The following RNF220 variants were observed in gnomAD, a reference collection of about 807,000 sequenced individuals.
The protein encoded by RNF220 is ring finger protein 220, also known as E3 ubiquitin-protein ligase RNF220.
Under a neutral mutation model 67.1 loss-of-function variants are expected in RNF220, and 7 were observed. The ratio of observed to expected loss-of-function variants is 0.10; its 90% CI spans 0.06 to 0.20. The LOEUF (loss-of-function observed/expected upper bound fraction) is 0.20, where lower values mean the gene tolerates loss of function less well. RNF220 is among the 10% of genes least tolerant of loss of function. The pLI is 1.00. For synonymous variants in RNF220, 270 were observed against 283.2 expected, an observed-to-expected ratio of 0.95 and a Z score of 0.47; for missense variants, 565 against 740.3, an observed-to-expected ratio of 0.76 and a Z score of 2.75.
chr1:44,497,338 G>GACACACACAC lies in RNF220; in HGVS notation c.625+84634_625+84643dup, dbSNP rs10578430. Among the ~76,000 whole-genome samples the GACACACACAC allele has an allele frequency of 1.0e-4, 15 of 147,950 alleles. 1 individual carries two copies. Among genetic ancestry groups the GACACACACAC allele is most frequent in the African/African-American group, 2.5e-4 (10 of 40,434 alleles). On this transcript the variant is annotated intron_variant, in intron 2 of 14. Transcript: ENST00000361799. The stretch of plus-strand genomic sequence containing the variant: ...TCTATATGATAATCTCCCCTTCCCT[G>GACACACACAC]ACACACACACACACACACACACACA...
intron 2 of RNF220, among the ~76,000 whole-genome samples, chr1:44,603,505 T>C (rs1387108714): frequency 1.3e-5 from 2 of 152,246 alleles, no homozygotes; most frequent in Non-Finnish European, 2.9e-5. Flanking sequence ...CCTGGGAGGC[T>C]GAGGTGACCA....
intron 2 of RNF220, among the ~76,000 whole-genome samples, chr1:44,455,152 CT>C (rs1653053694): frequency 6.6e-6 from 1 of 152,134 alleles, no homozygotes; most frequent in South Asian, 2.1e-4. Context: ...ACTAGATTTG[CT>C]TACTATTTGT....
At chr1:44,486,229 A>G (rs1656288309) in intron 2 of RNF220, among the ~76,000 whole-genome samples, 1 of 152,078 alleles carries the variant, frequency 6.6e-6, no homozygotes, top group Admixed American at 6.6e-5. Context: ...GAACAAAGTG[A>G]AAGGGGGGGG....
Position 44,650,536 on chromosome 1 carries a change from A to C in RNF220, c.1630-168A>C. 3.0e-6 allele frequency: 2 copies of C among 662,350 alleles called. No homozygotes were observed. The highest frequency in any genetic ancestry group is 5.5e-5 in the East Asian group (2 of 36,314). The allele number at this position is 662,350 out of a possible 1,614,324, so 41.0% of individuals were successfully genotyped here. On this transcript the variant is annotated intron_variant, in intron 14 of 14. Coordinates refer to ENST00000361799, the MANE Select transcript of RNF220 (RefSeq NM_018150.4). The surrounding 1 kb of genome is among the most constrained non-coding windows in gnomAD (Gnocchi z 4.3). Reference sequence around the variant, plus strand: ...GATCCTGGCGTCCCCCCAACACAGGAGCGTGCCTGCCTGCTCACAGAAGCT... The same window carrying C: ...GATCCTGGCGTCCCCCCAACACAGGCGCGTGCCTGCCTGCTCACAGAAGCT...
intron 2 of RNF220, among the ~76,000 whole-genome samples, chr1:44,568,609 C>A (rs1209722416): frequency 6.6e-6 from 1 of 152,176 alleles, no homozygotes; most frequent in East Asian, 1.9e-4. Flanking sequence ...ATTTGGAAGG[C>A]GTTTCTCTGT....
chr1:44,406,191 G>T (rs537787437), intron 1 of RNF220, among the ~76,000 whole-genome samples: 1 of 152,204 alleles, frequency 6.6e-6, no homozygotes, highest in Non-Finnish European at 1.5e-5. Flanking sequence ...CGGGTGCTCG[G>T]CTGACTTTTT....
Position 44,405,538 on chromosome 1 carries a change from G to A in RNF220, c.-118+8G>A, listed in dbSNP as rs151215091. On this transcript the variant is annotated splice_region_variant and intron_variant, in intron 1 of 14. Coordinates refer to ENST00000361799, the MANE Select transcript of RNF220 (RefSeq NM_018150.4). ...AAGGAATTTCCACGGCAAGTATGGA[G>A]ATCAGAAAGGGGTGTGGACGTGTGT... is the stretch of plus-strand genomic sequence containing the variant. The A allele has an allele frequency of 5.5e-4, 234 of 422,864 alleles. 5 individuals carry two copies. The highest frequency in any genetic ancestry group is 5.4e-3 in the South Asian group (177 of 32,962). The allele number at this position is 422,864 out of a possible 1,614,324, so 26.2% of individuals were successfully genotyped here.
rs1346697777 is a variant in RNF220, at chr1:44,636,080, GAAC to G, written c.1051_1053del (p.Asn351del). ...ATGATGCTGTGGACATCGAGCATGA[GAAC>G]AACAACCGCTTTGAGGAGTATGAGT... is the stretch of plus-strand genomic sequence containing the variant. On this transcript the variant is annotated inframe_deletion, in exon 8 of 15. Transcript: ENST00000361799. 1.7e-5 allele frequency: 28 copies of G among 1,614,134 alleles called. No individual in the cohort carries two copies. The highest frequency in any genetic ancestry group is 1.6e-4 in the Middle Eastern group (1 of 6,084).
At chr1:44,460,051 T>C (rs867084168) in intron 2 of RNF220, among the ~76,000 whole-genome samples, 4 of 151,914 alleles carry the variant, frequency 2.6e-5, no homozygotes, top group Non-Finnish European at 5.9e-5. Context: ...CAGTAAAGGG[T>C]GAATTAAGCC....
At chr1:44,638,014 C>A (rs1043813928) in intron 8 of RNF220, among the ~76,000 whole-genome samples, 16 of 152,238 alleles carry the variant, frequency 1.1e-4, no homozygotes, top group Middle Eastern at 6.3e-3. Flanking sequence ...GAGCGGGGCG[C>A]AGTGGAGCGG....
intron 2 of RNF220, among the ~76,000 whole-genome samples, chr1:44,519,538 G>C (rs1461731772): frequency 1.3e-5 from 2 of 152,174 alleles, no homozygotes; most frequent in South Asian, 2.1e-4. Context: ...AAGGGTGTTC[G>C]AAGCAGAGGA....
intron 2 of RNF220, among the ~76,000 whole-genome samples, chr1:44,506,269 G>A (rs1235365017): frequency 2.0e-5 from 3 of 152,200 alleles, no homozygotes; most frequent in Admixed American, 6.5e-5. Flanking sequence ...TGCTGGTGGC[G>A]GGTGTGGAGG....
rs1410912169 is a variant in RNF220, at chr1:44,650,419, C to A, written c.1630-285C>A. On this transcript the variant is annotated intron_variant, in intron 14 of 14. Coordinates refer to ENST00000361799, the MANE Select transcript of RNF220 (RefSeq NM_018150.4). The surrounding 1 kb of genome is among the most constrained non-coding windows in gnomAD (Gnocchi z 4.3). ...GGCTCTGTGTCCTGATCAAAGGCCG[C>A]GTGTAATCTCGTTAGGGCTGCGGCT... The A allele has an allele frequency of 3.9e-6, 2 of 517,754 alleles. No homozygotes were observed. Among genetic ancestry groups the A allele is most frequent in the Non-Finnish European group, 3.5e-6 (1 of 285,078 alleles). 32.1% of individuals were successfully genotyped at this position (517,754 alleles called of 1,614,324 possible). A position where few individuals can be genotyped will look rare whatever the true frequency, so the allele number is the denominator to read the frequency against.
At chr1:44,638,823 A>T (rs1644406164) in intron 8 of RNF220, among the ~76,000 whole-genome samples, 1 of 152,220 alleles carries the variant, frequency 6.6e-6, no homozygotes. Flanking sequence ...GCACTGAGGT[A>T]GGTCCCACTG....
At chr1:44,534,586 G>T (rs1454636818) in intron 2 of RNF220, among the ~76,000 whole-genome samples, 1 of 152,172 alleles carries the variant, frequency 6.6e-6, no homozygotes, top group Admixed American at 6.5e-5. Context: ...CTGGTTTGGA[G>T]ATGTTAATGG....
Position 44,613,126 on chromosome 1 carries a change from G to A in RNF220, c.626-1039G>A, listed in dbSNP as rs270730. 9.5e-4 allele frequency among the ~76,000 whole-genome samples: 141 copies of A among 148,362 alleles called. 1 individual carries two copies. The highest frequency in any genetic ancestry group is 3.4e-3 in the African/African-American group (138 of 40,022). ...TAAGCAGAGGCCACAGAGCATCCAT[G>A]GATATGCAGGGATGTTTCTAGATTA... On this transcript the variant is annotated intron_variant, in intron 2 of 14. Coordinates refer to ENST00000361799, the MANE Select transcript of RNF220 (RefSeq NM_018150.4).
intron 2 of RNF220, among the ~76,000 whole-genome samples, chr1:44,553,921 G>A (rs1662869602): frequency 6.6e-6 from 1 of 152,190 alleles, no homozygotes; most frequent in East Asian, 1.9e-4. Flanking sequence ...GACCACGGCT[G>A]CAGGAGGAGC....
rs539485716 is a variant in RNF220 at position 44,476,298 on chromosome 1, T to C, written c.625+63576T>C. ...CTTAAGTGGGATGGTGGTTCACAAA[T>C]GTTCATTTTATTGGGCTTCATAACT... On this transcript the variant is annotated intron_variant, in intron 2 of 14. Transcript: ENST00000361799. 8.9e-4 allele frequency among the ~76,000 whole-genome samples: 135 copies of C among 152,316 alleles called. 2 individuals are homozygous for C. Among genetic ancestry groups the C allele is most frequent in the African/African-American group, 3.1e-3 (129 of 41,586 alleles).
At chr1:44,629,452 A>G (rs2148466044) in intron 5 of RNF220, among the ~76,000 whole-genome samples, 1 of 152,310 alleles carries the variant, frequency 6.6e-6, no homozygotes. Context: ...GTACTGACTC[A>G]TGTTCAGCTT....
Sources: gnomAD v4.1 joint callset for allele counts (sites outside exome capture counted in the v4.1 genomes callset) on GRCh38, gnomAD v4.1.1 for gene constraint, Gnocchi (gnomAD v3.1) non-coding constraint, MANE v1.5 for transcripts, NCBI Gene and HGNC (gene_info 2026-07-23, HGNC 2026-07-21) for gene names.